Variants in BCAS4 observed in about 807,000 individuals in gnomAD.
The protein encoded by BCAS4 is breast carcinoma-amplified sequence 4.
BCAS4 carries 9 observed loss-of-function variants against 15.7 expected under a neutral mutation model. That is an observed-to-expected ratio of 0.57 (90% CI 0.34 to 1.00). The LOEUF (loss-of-function observed/expected upper bound fraction) is 1.00, where lower values mean the gene tolerates loss of function less well. BCAS4 is among the 50% of genes least tolerant of loss of function. The pLI, the probability that BCAS4 is intolerant of heterozygous loss-of-function variation, is 0.02. For missense variants in BCAS4, 225 were observed against 239.1 expected, an observed-to-expected ratio of 0.94 and a Z score of 0.39; for synonymous variants, 101 against 99.5, an observed-to-expected ratio of 1.02 and a Z score of -0.09.
chr20:50,855,827 T>A (rs1170073149), intron 4 of BCAS4, among the ~76,000 whole-genome samples: 2 of 152,194 alleles, frequency 1.3e-5, no homozygotes, highest in Non-Finnish European at 2.9e-5. Context: ...TGAGGATGAA[T>A]AAATGGAGGA....
chr20:50,854,155 A>G (rs755815851), intron 4 of BCAS4, among the ~76,000 whole-genome samples: 3 of 152,112 alleles, frequency 2.0e-5, no homozygotes, highest in Non-Finnish European at 2.9e-5. Flanking sequence ...GTTAAAAAAT[A>G]TATGAAAGCA....
intron 3 of BCAS4, among the ~76,000 whole-genome samples, chr20:50,833,564 G>C (rs945324572): frequency 6.6e-6 from 1 of 152,190 alleles, no homozygotes; most frequent in Admixed American, 6.5e-5. Flanking sequence ...TGTCCCCTGG[G>C]GGGCAAGATT....
intron 1 of BCAS4, among the ~76,000 whole-genome samples, chr20:50,795,545 G>T (rs2087844189): frequency 7.3e-6 from 1 of 136,896 alleles, no homozygotes; most frequent in Non-Finnish European, 1.6e-5. Context: ...TCAGGCTGCG[G>T]CTGTGCGGGC....
At chr20:50,828,553 G>A (rs1319579292) in intron 2 of BCAS4, among the ~76,000 whole-genome samples, 1 of 152,210 alleles carries the variant, frequency 6.6e-6, no homozygotes, top group Non-Finnish European at 1.5e-5. Flanking sequence ...GCCAAGGCAG[G>A]TGGATCACTT....
At chr20:50,861,154 G>A (rs1178887834) in intron 4 of BCAS4, among the ~76,000 whole-genome samples, 2 of 152,168 alleles carry the variant, frequency 1.3e-5, no homozygotes. Flanking sequence ...CTGGGAGCGG[G>A]AGGCCCAGAG....
At chr20:50,855,148 T>TG (rs1314867376) in intron 4 of BCAS4, among the ~76,000 whole-genome samples, 2 of 152,138 alleles carry the variant, frequency 1.3e-5, no homozygotes, top group African/African-American at 4.8e-5. Flanking sequence ...TCTTGACCAC[T>TG]GGGGGAGGGG....
intron 4 of BCAS4, among the ~76,000 whole-genome samples, chr20:50,869,788 G>A (rs1367072385): frequency 8.6e-6 from 1 of 116,392 alleles, no homozygotes; most frequent in Non-Finnish European, 1.6e-5. Context: ...TCGCTCTGTT[G>A]CCCAGGCTGG....
chr20:50,875,584 G>GCAAA (rs748632162), intron 4 of BCAS4, among the ~76,000 whole-genome samples: 4 of 137,322 alleles, frequency 2.9e-5, no homozygotes, highest in Non-Finnish European at 6.1e-5. Flanking sequence ...GACCAACATG[G>GCAAA]CAAAACCTCA....
At position 50,867,009 on chromosome 20, in the gene BCAS4, A is replaced by C. The variant is rs1331264675; in HGVS notation, c.400-9477A>C. Among the ~76,000 whole-genome samples the C allele has an allele frequency of 3.9e-5, 6 of 151,988 alleles. No individual in the cohort carries two copies. The East Asian group carries it at 1.2e-3, about 29-fold the overall frequency. On this transcript the variant is annotated intron_variant, in intron 4 of 4. Coordinates refer to ENST00000371608, the MANE Select transcript of BCAS4 (RefSeq NM_198799.4). ...AGAGAGGCTGGGGCTTGGTTTATGGAGTGAGACTGATCTGTTTCTTCTGTT... is the reference window on the plus strand; with the variant it reads ...AGAGAGGCTGGGGCTTGGTTTATGGCGTGAGACTGATCTGTTTCTTCTGTT...
chr20:50,876,585 C>G lies in BCAS4; in HGVS notation c.499C>G (p.Arg167Gly). ...VDAGEAQHHP[R>G]TCPRPL ...CGCCGGGGAAGCACAGCACCACCCC[C>G]GCACCTGCCCTCGGCCTTTGTGAGC... The change falls in exon 5 of 5, where the codon CGC (arginine) becomes GGC (glycine). Residue 167 changes from arginine (R) to glycine (G), a missense_variant. Transcript: ENST00000371608. The G allele has an allele frequency of 6.2e-7, 1 of 1,614,126 alleles. No individual in the cohort carries two copies. Among genetic ancestry groups the G allele is most frequent in the Non-Finnish European group, 8.5e-7 (1 of 1,179,998 alleles).
intron 4 of BCAS4, among the ~76,000 whole-genome samples, chr20:50,849,366 C>A (rs542343955): frequency 2.6e-5 from 4 of 152,278 alleles, no homozygotes; most frequent in Admixed American, 2.6e-4. Context: ...GGCTGCCTGG[C>A]CCACCTGTTC....
chr20:50,820,173 C>T (rs1039284107), intron 2 of BCAS4, among the ~76,000 whole-genome samples: 13 of 152,270 alleles, frequency 8.5e-5, no homozygotes, highest in African/African-American at 3.1e-4. Flanking sequence ...CATGAATGGG[C>T]CCCGTCATAA....
chr20:50,826,892 C>T (rs2088283820), intron 2 of BCAS4, among the ~76,000 whole-genome samples: 1 of 152,064 alleles, frequency 6.6e-6, no homozygotes, highest in African/African-American at 2.4e-5. Flanking sequence ...TGTTTGAGCC[C>T]AGGAGGTCGA....
At chr20:50,870,587 C>A (rs1338865020) in intron 4 of BCAS4, among the ~76,000 whole-genome samples, 1 of 152,250 alleles carries the variant, frequency 6.6e-6, no homozygotes, top group Non-Finnish European at 1.5e-5. Flanking sequence ...CAGGCTGGGG[C>A]TCCTCAGCTC....
chr20:50,795,672 G>T (rs969572458), intron 1 of BCAS4, among the ~76,000 whole-genome samples: 2 of 152,246 alleles, frequency 1.3e-5, no homozygotes, highest in Non-Finnish European at 2.9e-5. Context: ...TCCGGCTGGA[G>T]GCATCTGTCG....
intron 4 of BCAS4, among the ~76,000 whole-genome samples, chr20:50,870,511 C>T (rs1226779536): frequency 6.6e-6 from 1 of 152,082 alleles, no homozygotes; most frequent in Non-Finnish European, 1.5e-5. Flanking sequence ...CTGGGTGTTG[C>T]GGATTGCCGG....
rs78623895 is a variant in BCAS4, at chr20:50,837,425, G to A, written c.265-4341G>A. Among the ~76,000 whole-genome samples the A allele has an allele frequency of 2.5e-3, 377 of 150,348 alleles. 1 individual carries two copies. Among genetic ancestry groups the A allele is most frequent in the Non-Finnish European group, 3.7e-3 (253 of 68,002 alleles). On this transcript the variant is annotated intron_variant, in intron 3 of 4. Transcript: ENST00000371608. The stretch of plus-strand genomic sequence containing the variant: ...AACATGGCAAGACCCCTGTGTCCAG[G>A]GGGGAAAATGTGTTCAAATTCCTCA...
At chr20:50,875,602 TA>T (rs3971637) in intron 4 of BCAS4, among the ~76,000 whole-genome samples, 96 of 100,588 alleles carry the variant, frequency 9.5e-4, no homozygotes, top group South Asian at 4.5e-3. Context: ...TCATCTCTAC[TA>T]AAAAAAAAAA....
chr20:50,795,281 C>T, intron 1 of BCAS4, 108 bp downstream of exon 1: 1 of 1,016,448 alleles, frequency 9.8e-7, no homozygotes, highest in South Asian at 3.4e-5. Context: ...GAGTGGGGGG[C>T]CCGGGGATTC....
Sources: allele counts gnomAD v4.1 joint callset (sites outside exome capture counted in the v4.1 genomes callset), GRCh38; gene constraint gnomAD v4.1.1; transcripts MANE v1.5; gene names NCBI Gene and HGNC (gene_info 2026-07-23, HGNC 2026-07-21).